Variants in MED12L observed in about 807,000 individuals in gnomAD.
The protein encoded by MED12L is mediator of RNA polymerase II transcription subunit 12-like protein.
In MED12L, 60 loss-of-function variants were observed where a neutral mutation model predicts 281.3. That is an observed-to-expected ratio of 0.21 (90% confidence interval 0.17 to 0.26). The LOEUF is 0.26. Ranked by LOEUF, MED12L falls within the 10% of genes least tolerant of loss-of-function variation. MED12L has a pLI of 1.00. For missense variants in MED12L, 2,146 were observed against 2,680.9 expected, an observed-to-expected ratio of 0.80 and a Z score of 4.41; for synonymous variants, 974 against 987.2, an observed-to-expected ratio of 0.99 and a Z score of 0.25.
At chr3:151,165,658 T>G in intron 10 of MED12L, 139 bp downstream of exon 10, 1 of 920,884 alleles carries the variant, frequency 1.1e-6, no homozygotes, top group Non-Finnish European at 1.7e-6. Flanking sequence ...AATCTTCAGT[T>G]TATGCCTTTT....
chr3:151,272,327 G>C (rs976483818), intron 16 of MED12L, among the ~76,000 whole-genome samples: 1 of 152,100 alleles, frequency 6.6e-6, no homozygotes. Context: ...ACATGTTTTT[G>C]GACAAATAAA....
chr3:151,238,393 C>T (rs1181291575), intron 16 of MED12L, among the ~76,000 whole-genome samples: 5 of 152,132 alleles, frequency 3.3e-5, no homozygotes, highest in Non-Finnish European at 7.4e-5. Context: ...GTGATCCACC[C>T]GCCTCAGCCT....
At chr3:151,202,537 G>C (rs1183699020) in intron 16 of MED12L, among the ~76,000 whole-genome samples, 1 of 152,200 alleles carries the variant, frequency 6.6e-6, no homozygotes, top group Non-Finnish European at 1.5e-5. Context: ...CAACGCGGTG[G>C]CGGGCACCTG....
intron 41 of MED12L, among the ~76,000 whole-genome samples, chr3:151,412,292 T>TA (rs1261311560): frequency 6.6e-6 from 1 of 152,226 alleles, no homozygotes; most frequent in African/African-American, 2.4e-5. Flanking sequence ...TGGAAATTCT[T>TA]ACTAAGTTTT....
intron 16 of MED12L, among the ~76,000 whole-genome samples, chr3:151,217,722 A>G (rs1286686424): frequency 6.6e-6 from 1 of 152,204 alleles, no homozygotes; most frequent in African/African-American, 2.4e-5. Flanking sequence ...ACTCTAAAGG[A>G]ACAAGCTAAA....
intron 42 of MED12L, among the ~76,000 whole-genome samples, chr3:151,414,794 CATT>C (rs1250698596): frequency 1.3e-5 from 2 of 148,406 alleles, no homozygotes; most frequent in African/African-American, 4.8e-5. Flanking sequence ...CAATCTCAGT[CATT>C]GTATAGATGT....
chr3:151,303,099 G>A lies in MED12L; in HGVS notation c.2251-46960G>A, dbSNP rs553871531. On this transcript the variant is annotated intron_variant, in intron 16 of 44. Coordinates refer to ENST00000687756, the MANE Select transcript of MED12L (RefSeq NM_001393769.1). The stretch of plus-strand genomic sequence containing the variant: ...TATAATAGTCTACTGAGGAACTGGT[G>A]ACAGCATGTAGAGATGGAGATATAT... 2.6e-4 allele frequency among the ~76,000 whole-genome samples: 40 copies of A among 152,278 alleles called. 1 individual carries two copies. The highest frequency in any genetic ancestry group is 9.4e-4 in the African/African-American group (39 of 41,560).
At chr3:151,139,815 T>A (rs1425542983) in intron 5 of MED12L, among the ~76,000 whole-genome samples, 1 of 133,412 alleles carries the variant, frequency 7.5e-6, no homozygotes, top group African/African-American at 3.5e-5. Context: ...TGGAGAATAA[T>A]TGAGGAGTTT....
At chr3:151,214,260 C>T in intron 16 of MED12L, 2 of 1,613,990 alleles carry the variant, frequency 1.2e-6, no homozygotes, top group Non-Finnish European at 1.7e-6. Flanking sequence ...GCTGAGTGAT[C>T]AGGAGGTTCT....
At chr3:151,230,891 A>G (rs560981850) in intron 16 of MED12L, among the ~76,000 whole-genome samples, 71 of 152,310 alleles carry the variant, frequency 4.7e-4, no homozygotes, top group Non-Finnish European at 8.2e-4. Flanking sequence ...CTGAAAGGAA[A>G]CAGGGCTCCT....
intron 43 of MED12L, among the ~76,000 whole-genome samples, chr3:151,426,457 G>A (rs1577626748): frequency 6.6e-6 from 1 of 152,122 alleles, no homozygotes. Flanking sequence ...TGCATCTGGG[G>A]CCTATTGCCT....
intron 16 of MED12L, among the ~76,000 whole-genome samples, chr3:151,236,174 A>C (rs549348947): frequency 1.3e-5 from 2 of 152,326 alleles, no homozygotes; most frequent in South Asian, 4.1e-4. Context: ...TTAGAAGCTC[A>C]ATGAATATTT....
At chr3:151,313,856 A>G (rs1320835529) in intron 16 of MED12L, among the ~76,000 whole-genome samples, 5 of 152,000 alleles carry the variant, frequency 3.3e-5, no homozygotes, top group African/African-American at 4.8e-5. Context: ...CGCAGGAGGC[A>G]GAGGTTGCAG....
rs1467852614 is a variant in MED12L at position 151,086,842 on chromosome 3, G to C, written c.-85G>C. 13 of 1,060,720 alleles carry C rather than the reference G, an allele frequency of 1.2e-5. No individual in the cohort carries two copies. The highest frequency in any genetic ancestry group is 1.6e-5 in the Non-Finnish European group (12 of 735,426). 65.7% of individuals were successfully genotyped at this position (1,060,720 alleles called of 1,614,324 possible). ...GCGAGGAGGGGGAGAGAGGGAGTCT[G>C]TCTGCAAAGTGCTGCTCCCTGGTGC... On this transcript the variant is annotated 5_prime_UTR_variant, in exon 2 of 45. Coordinates refer to ENST00000687756, the MANE Select transcript of MED12L (RefSeq NM_001393769.1).
chr3:151,180,846 C>T (rs1309639019), intron 11 of MED12L, among the ~76,000 whole-genome samples: 1 of 152,160 alleles, frequency 6.6e-6, no homozygotes, highest in African/African-American at 2.4e-5. Context: ...CTTCAGTGCA[C>T]AGTATACACA....
chr3:151,355,328 T>C (rs1178590882), intron 18 of MED12L, 89 bp downstream of exon 18: 5 of 792,678 alleles, frequency 6.3e-6, no homozygotes, highest in Non-Finnish European at 1.1e-5. Flanking sequence ...TCAACCTTAA[T>C]GGTTTTAGAC....
intron 16 of MED12L, among the ~76,000 whole-genome samples, chr3:151,347,227 A>T (rs1237729113): frequency 6.6e-6 from 1 of 152,186 alleles, no homozygotes; most frequent in Admixed American, 6.5e-5. Flanking sequence ...AAAGTTTCCT[A>T]CAAAACTAAT....
intron 16 of MED12L, among the ~76,000 whole-genome samples, chr3:151,261,684 G>GAT (rs1738913255): frequency 1.1e-5 from 1 of 91,428 alleles, no homozygotes; most frequent in Non-Finnish European, 2.1e-5. Flanking sequence ...AGTGGTACGT[G>GAT]GTGTTTTGTT....
chr3:151,397,550 T>A (rs16863361), intron 39 of MED12L, among the ~76,000 whole-genome samples: 9,210 of 152,194 alleles, frequency 0.061, 418 homozygotes, highest in Middle Eastern at 0.18. Context: ...AAATATGGTC[T>A]TATGGCAGAA....
Sources: gnomAD v4.1 joint callset for allele counts (sites outside exome capture counted in the v4.1 genomes callset) on GRCh38, gnomAD v4.1.1 for gene constraint, MANE v1.5 for transcripts, NCBI Gene and HGNC (gene_info 2026-07-23, HGNC 2026-07-21) for gene names.